The following TBCD variants were observed in gnomAD, a reference collection of about 807,000 sequenced individuals.
The protein encoded by TBCD is tubulin-specific chaperone D.
TBCD carries 105 observed loss-of-function variants against 169.3 expected under a neutral mutation model. The observed-to-expected ratio is 0.62, with a 90% CI of 0.53 to 0.73. The LOEUF is 0.73. Ranked by LOEUF, TBCD falls within the 30% of genes least tolerant of loss-of-function variation. The probability of loss-of-function intolerance (pLI) is 0.00; values close to 1 mark genes in which losing one functional copy is unlikely to be tolerated. For missense variants in TBCD, 1,444 were observed against 1,600.1 expected, an observed-to-expected ratio of 0.90 and a Z score of 1.66; for synonymous variants, 700 against 643.9, an observed-to-expected ratio of 1.09 and a Z score of -1.32.
At chr17:82,785,205 CA>C (rs1218180950) in intron 7 of TBCD, among the ~76,000 whole-genome samples, 5 of 94,238 alleles carry the variant, frequency 5.3e-5, no homozygotes, top group Non-Finnish European at 1.1e-4. Context: ...ATCGCAGCGA[CA>C]GGGGGTCCAT....
Position 82,927,313 on chromosome 17 carries a change from G to A in TBCD, c.2599G>A (p.Val867Met), listed in dbSNP as rs755667871. 3.1e-6 allele frequency: 5 copies of A among 1,613,760 alleles called. No homozygotes were observed. Among genetic ancestry groups the A allele is most frequent in the African/African-American group, 1.3e-5 (1 of 74,938 alleles). ...CTACACCACGGACAGCAGAGGGGAC[G>A]TGGGCACCTGGTACGTACGTAGCAG... ...DDYTTDSRGD[V>M]GTWVRKAAMT... The change falls in exon 29 of 39, where the codon GTG (valine) becomes ATG (methionine). Residue 867 changes from valine (V) to methionine (M), a missense_variant. By Grantham distance (21) the Val-to-Met change is conservative. Coordinates refer to ENST00000355528, the MANE Select transcript of TBCD (RefSeq NM_005993.5).
In TBCD at chr17:82,884,631, A is replaced by C. The variant is rs927650819; in HGVS notation, c.1533+429A>C. Among the ~76,000 whole-genome samples, 24 of 151,188 alleles carry C rather than the reference A, an allele frequency of 1.6e-4. No homozygotes were observed. Among genetic ancestry groups the C allele is most frequent in the African/African-American group, 4.9e-4 (20 of 41,192 alleles). On this transcript the variant is annotated intron_variant, in intron 15 of 38. Transcript: ENST00000355528. The surrounding 1 kb of genome is among the most constrained non-coding windows in gnomAD (Gnocchi z 4.2). ...TGCGAGCAGTGGTCAGCTCTGCTTCACCCGCCACACTCGCCTGGGCCTTGC... is the reference window on the plus strand; with the variant it reads ...TGCGAGCAGTGGTCAGCTCTGCTTCCCCCGCCACACTCGCCTGGGCCTTGC...
chr17:82,853,347 C>T (rs2055967138), intron 13 of TBCD, among the ~76,000 whole-genome samples: 1 of 151,880 alleles, frequency 6.6e-6, no homozygotes, highest in Non-Finnish European at 1.5e-5. Context: ...GTCTCAGCTT[C>T]CTAAGGTGCT....
rs79191805 is a variant in TBCD, at chr17:82,775,046, G to A, written c.638+2539G>A. 2.0e-5 allele frequency among the ~76,000 whole-genome samples: 3 copies of A among 152,352 alleles called. No homozygotes were observed. In the East Asian group the frequency reaches 5.8e-4, roughly 29 times the overall value. On this transcript the variant is annotated intron_variant, in intron 6 of 38. Coordinates refer to ENST00000355528, the MANE Select transcript of TBCD (RefSeq NM_005993.5). The stretch of plus-strand genomic sequence containing the variant: ...TGGCTCTGTGGAGTGCGGTGCCTGT[G>A]GGCCAGGAGGCACCATCTGAGTACT...
intron 18 of TBCD, 105 bp downstream of exon 18, chr17:82,900,836 ATTTTAAAATAAC>A: frequency 4.8e-6 from 4 of 827,104 alleles, no homozygotes; most frequent in Non-Finnish European, 8.0e-6. Flanking sequence ...TGGATGTCGT[ATTTTAAAATAAC>A]TTCTGAGAAG....
chr17:82,937,922 C>G, intron 35 of TBCD, 127 bp from the exon 36 acceptor site: 3 of 1,536,286 alleles, frequency 2.0e-6, no homozygotes, highest in Non-Finnish European at 2.6e-6. Context: ...GCTTGGGGCC[C>G]CAGGCCCGCA....
chr17:82,816,151 C>T (rs924543140), intron 13 of TBCD, among the ~76,000 whole-genome samples: 2 of 152,126 alleles, frequency 1.3e-5, no homozygotes, highest in Non-Finnish European at 2.9e-5. Flanking sequence ...GTGGAACCTA[C>T]GACATGTGAT....
Position 82,923,653 on chromosome 17 carries a change from A to T in TBCD, c.2180A>T (p.Asp727Val), listed in dbSNP as rs1197265622. 4.5e-6 allele frequency: 7 copies of T among 1,572,688 alleles called. No homozygotes were observed. The highest frequency in any genetic ancestry group is 1.7e-4 in the Middle Eastern group (1 of 5,852). The stretch of plus-strand genomic sequence containing the variant: ...CTCACCGTGCTGCCTTTGTTTTAGG[A>T]TGCAGCAGTCTCGGCCCTGGCTGCT... The part of the protein sequence containing the change: ...ISSHSRQQMK[D>V]AAVSALAALC... The change falls in exon 26 of 39, where the codon GAT becomes GTT. Residue 727 changes from aspartate (D) to valine (V), a missense_variant and splice_region_variant. Asp to Val is a radical substitution (Grantham distance 152). Transcript: ENST00000355528. This position sits in a 1 kb window ranked among gnomAD's most constrained non-coding sequence, Gnocchi z 4.6.
At chr17:82,752,512 GC>G in intron 1 of TBCD, 135 bp downstream of exon 1, 1 of 717,506 alleles carries the variant, frequency 1.4e-6, no homozygotes, top group Admixed American at 5.4e-5. Flanking sequence ...GGTCCCGCGG[GC>G]CGTGGTGGGG....
chr17:82,803,930 T>C (rs1319651409), intron 9 of TBCD, among the ~76,000 whole-genome samples: 37 of 112,666 alleles, frequency 3.3e-4, no homozygotes, highest in African/African-American at 8.1e-4. Context: ...GGGGCTGAGG[T>C]GCACCTGCCC....
At chr17:82,872,321 G>A (rs1224401532) in intron 14 of TBCD, among the ~76,000 whole-genome samples, 1 of 152,252 alleles carries the variant, frequency 6.6e-6, no homozygotes, top group African/African-American at 2.4e-5. Context: ...GGAGGTCTGG[G>A]GTGGCTGAGA....
At chr17:82,902,632 G>A (rs1002786779) in intron 18 of TBCD, among the ~76,000 whole-genome samples, 2 of 152,380 alleles carry the variant, frequency 1.3e-5, no homozygotes, top group East Asian at 1.9e-4. Context: ...TCCTGCCAGC[G>A]CGGGCGTCTG....
intron 12 of TBCD, among the ~76,000 whole-genome samples, chr17:82,812,926 C>T (rs1042044501): frequency 2.0e-5 from 3 of 152,110 alleles, no homozygotes; most frequent in East Asian, 1.9e-4. Context: ...TTCAAGTGAT[C>T]CTCCTGCCTC....
chr17:82,937,501 GT>G (rs2062727686), intron 35 of TBCD, 141 bp downstream of exon 35: 5 of 743,200 alleles, frequency 6.7e-6, no homozygotes, highest in African/African-American at 1.8e-5. Context: ...GCATTCCAAT[GT>G]TCAAAGCAGT....
At chr17:82,780,512 C>T (rs2048876531) in intron 6 of TBCD, among the ~76,000 whole-genome samples, 1 of 151,870 alleles carries the variant, frequency 6.6e-6, no homozygotes, top group South Asian at 2.1e-4. Context: ...GTAGTCCCAG[C>T]TACTCGAGAG....
chr17:82,822,405 C>T (rs183319124), intron 13 of TBCD, among the ~76,000 whole-genome samples: 272 of 152,274 alleles, frequency 1.8e-3, no homozygotes, highest in Admixed American at 3.8e-3. Context: ...CCTCCTGGGG[C>T]GACATTTACG....
chr17:82,815,543 C>T (rs529203510), intron 13 of TBCD, among the ~76,000 whole-genome samples: 5 of 152,366 alleles, frequency 3.3e-5, no homozygotes, highest in East Asian at 1.9e-4. Context: ...GATGCAGGGG[C>T]ACTGCCCCAG....
chr17:82,771,011 GCA>G (rs1365759514), intron 5 of TBCD, among the ~76,000 whole-genome samples: 2 of 128,980 alleles, frequency 1.6e-5, no homozygotes, highest in Admixed American at 1.9e-4. Context: ...TTGCACCACT[GCA>G]CTCTAGCCTG....
chr17:82,775,575 T>A (rs1008261005), intron 6 of TBCD, among the ~76,000 whole-genome samples: 1 of 152,006 alleles, frequency 6.6e-6, no homozygotes, highest in Non-Finnish European at 1.5e-5. Context: ...TCTCCCTGTA[T>A]CACTGGCGGC....
Sources: gnomAD v4.1 joint callset for allele counts (sites outside exome capture counted in the v4.1 genomes callset) on GRCh38, gnomAD v4.1.1 for gene constraint, Gnocchi (gnomAD v3.1) non-coding constraint, MANE v1.5 for transcripts, NCBI Gene and HGNC (gene_info 2026-07-23, HGNC 2026-07-21) for gene names.